The following CEP128 variants were observed in gnomAD, a reference collection of about 807,000 sequenced individuals.
CEP128 encodes the protein centrosomal protein 128.
A neutral mutation model predicts 156.7 loss-of-function variants in CEP128; 132 were observed. The ratio of observed to expected loss-of-function variants is 0.84; its 90% CI spans 0.73 to 0.97. CEP128 has a LOEUF of 0.97. Ranked by LOEUF, CEP128 falls within the 50% of genes least tolerant of loss-of-function variation. The probability of loss-of-function intolerance (pLI) is 0.00; values close to 1 mark genes in which losing one functional copy is unlikely to be tolerated. For synonymous variants in CEP128, 469 were observed against 448.9 expected, an observed-to-expected ratio of 1.04 and a Z score of -0.57; for missense variants, 1,252 against 1,281.9, an observed-to-expected ratio of 0.98 and a Z score of 0.36.
At chr14:80,661,279 A>T (rs1436202675) in intron 19 of CEP128, among the ~76,000 whole-genome samples, 4 of 152,172 alleles carry the variant, frequency 2.6e-5, no homozygotes, top group Non-Finnish European at 4.4e-5. Context: ...CATTATTTGA[A>T]TGTTTAAAAC....
chr14:80,636,556 G>A (rs1196519932), intron 19 of CEP128, among the ~76,000 whole-genome samples: 1 of 151,990 alleles, frequency 6.6e-6, no homozygotes, highest in East Asian at 1.9e-4. Flanking sequence ...GCCAGCAATG[G>A]CACCACACAG....
chr14:80,716,393 TTCA>T (rs1357592919), intron 19 of CEP128, among the ~76,000 whole-genome samples: 1 of 152,182 alleles, frequency 6.6e-6, no homozygotes, highest in Non-Finnish European at 1.5e-5. Context: ...AGTTATTTAT[TTCA>T]TCTACCAGCC....
chr14:80,523,070 T>C lies in CEP128; in HGVS notation c.3072+3799A>G, dbSNP rs77962109. Among the ~76,000 whole-genome samples, 1,024 of 152,272 alleles carry C rather than the reference T, an allele frequency of 6.7e-3. 15 individuals are homozygous for C. The highest frequency in any genetic ancestry group is 0.023 in the African/African-American group (972 of 41,552). ...GGAGATGGCTCTAGCCTTGGATTGA[T>C]TGAAAGAGAACCTGACTTGCTCACT... On this transcript the variant is annotated intron_variant, in intron 23 of 24. Transcript: ENST00000555265.
At chr14:80,953,924 A>T (rs1886527366) in intron 2 of CEP128, among the ~76,000 whole-genome samples, 1 of 152,162 alleles carries the variant, frequency 6.6e-6, no homozygotes, top group African/African-American at 2.4e-5. Flanking sequence ...TTCACTTAAC[A>T]TTATGCATTC....
chr14:80,783,509 T>C (rs1002379224), intron 15 of CEP128, among the ~76,000 whole-genome samples: 1 of 152,212 alleles, frequency 6.6e-6, no homozygotes, highest in East Asian at 1.9e-4. Context: ...CTTAGAGCAG[T>C]GACCGGCACA....
chr14:80,732,521 G>GA (rs1898329150), intron 19 of CEP128, among the ~76,000 whole-genome samples: 1 of 83,918 alleles, frequency 1.2e-5, no homozygotes, highest in South Asian at 3.3e-4. Context: ...TGTGTGTGTG[G>GA]TTTCTCCAAT....
intron 13 of CEP128, among the ~76,000 whole-genome samples, chr14:80,825,529 C>G (rs576851737): frequency 3.9e-5 from 6 of 152,216 alleles, no homozygotes; most frequent in Non-Finnish European, 7.4e-5. Context: ...AAATGACAAA[C>G]TAATGTATTA....
At chr14:80,555,591 T>C (rs1281078788) in intron 21 of CEP128, among the ~76,000 whole-genome samples, 1 of 152,132 alleles carries the variant, frequency 6.6e-6, no homozygotes, top group Admixed American at 6.5e-5. Flanking sequence ...TAATTTTATA[T>C]GTGTACGGGA....
At chr14:80,642,198 A>G (rs1424888160) in intron 19 of CEP128, among the ~76,000 whole-genome samples, 3 of 152,124 alleles carry the variant, frequency 2.0e-5, no homozygotes, top group Non-Finnish European at 4.4e-5. Flanking sequence ...GGGGACTGAC[A>G]AGAAGCAGTT....
chr14:80,705,308 T>G (rs562785769), intron 19 of CEP128, among the ~76,000 whole-genome samples: 1 of 152,132 alleles, frequency 6.6e-6, no homozygotes, highest in Admixed American at 6.6e-5. Context: ...GTGTTTTGTT[T>G]TTTTGTTTTT....
chr14:80,779,224 A>G (rs190413773), intron 15 of CEP128, among the ~76,000 whole-genome samples: 228 of 152,316 alleles, frequency 1.5e-3, no homozygotes, highest in Non-Finnish European at 2.5e-3. Context: ...TATTTTTATA[A>G]GTTTATCATA....
chr14:80,555,834 T>C (rs1300197110), intron 21 of CEP128, among the ~76,000 whole-genome samples: 1 of 152,168 alleles, frequency 6.6e-6, no homozygotes. Context: ...CAATTCTCTT[T>C]ACAATGATCT....
intron 19 of CEP128, among the ~76,000 whole-genome samples, chr14:80,695,877 A>AT (rs1485506722): frequency 6.6e-6 from 1 of 151,508 alleles, no homozygotes; most frequent in Non-Finnish European, 1.5e-5. Context: ...CTTCAAAAAA[A>AT]TTTTTTTTGA....
chr14:80,575,325 T>C (rs1891310614), intron 20 of CEP128, among the ~76,000 whole-genome samples: 1 of 152,058 alleles, frequency 6.6e-6, no homozygotes, highest in African/African-American at 2.4e-5. Context: ...ATGCTTCCTT[T>C]CTCCTCCTAA....
chr14:80,782,949 G>A (rs1901204608), intron 15 of CEP128, among the ~76,000 whole-genome samples: 1 of 151,826 alleles, frequency 6.6e-6, no homozygotes, highest in South Asian at 2.1e-4. Context: ...AAACATTAGA[G>A]TTTGAGAGTC....
intron 22 of CEP128, among the ~76,000 whole-genome samples, chr14:80,529,372 T>C (rs1374485214): frequency 6.6e-6 from 1 of 152,240 alleles, no homozygotes; most frequent in African/African-American, 2.4e-5. Context: ...TGTATGTATA[T>C]GAGCTAGACT....
At chr14:80,509,895 T>C (rs1888165043) in intron 23 of CEP128, among the ~76,000 whole-genome samples, 1 of 152,174 alleles carries the variant, frequency 6.6e-6, no homozygotes, top group Admixed American at 6.5e-5. Flanking sequence ...TTTTCCCCAA[T>C]GTATGTTCTT....
intron 21 of CEP128, among the ~76,000 whole-genome samples, chr14:80,535,335 T>C (rs748031445): frequency 3.9e-5 from 6 of 152,198 alleles, no homozygotes; most frequent in Non-Finnish European, 8.8e-5. Flanking sequence ...AGGTTCTTAT[T>C]AGGAAAATAT....
chr14:80,698,540 A>G (rs538065942), intron 19 of CEP128, among the ~76,000 whole-genome samples: 2 of 152,240 alleles, frequency 1.3e-5, no homozygotes, highest in South Asian at 2.1e-4. Context: ...AGCAGAACCA[A>G]TTATCAACCT....
Sources: allele counts gnomAD v4.1 joint callset (sites outside exome capture counted in the v4.1 genomes callset), GRCh38; gene constraint gnomAD v4.1.1; transcripts MANE v1.5; gene names NCBI Gene and HGNC (gene_info 2026-07-23, HGNC 2026-07-21).